The following AGAP1 variants were observed in gnomAD, a reference collection of about 807,000 sequenced individuals.
AGAP1 encodes the protein ArfGAP with GTPase domain, ankyrin repeat and PH domain 1, also known as arf-GAP with GTPase, ANK repeat and PH domain-containing protein 1.
Under a neutral mutation model 105.3 loss-of-function variants are expected in AGAP1, and 29 were observed. The observed-to-expected ratio is 0.28, with a 90% confidence interval of 0.21 to 0.38. The LOEUF (loss-of-function observed/expected upper bound fraction) is 0.38, where lower values mean the gene tolerates loss of function less well. Ranked by LOEUF, AGAP1 falls within the 10% of genes least tolerant of loss-of-function variation. The probability of loss-of-function intolerance (pLI) is 1.00; values close to 1 mark genes in which losing one functional copy is unlikely to be tolerated. For synonymous variants in AGAP1, 509 were observed against 485.9 expected, an observed-to-expected ratio of 1.05 and a Z score of -0.63; for missense variants, 998 against 1,165.1, an observed-to-expected ratio of 0.86 and a Z score of 2.09.
At position 235,904,261 on chromosome 2, in the gene AGAP1, G is replaced by A. The variant is rs2125014116; in HGVS notation, c.1156-4477G>A. Among the ~76,000 whole-genome samples, 1 of 152,344 alleles carries A rather than the reference G, an allele frequency of 6.6e-6. No individual in the cohort carries two copies. The highest frequency in any genetic ancestry group is 2.1e-4 in the South Asian group (1 of 4,824). On this transcript the variant is annotated intron_variant, in intron 10 of 17. Coordinates refer to ENST00000304032, the MANE Select transcript of AGAP1 (RefSeq NM_001037131.3). The surrounding 1 kb of genome is among the most constrained non-coding windows in gnomAD (Gnocchi z 4.2). Reference sequence around the variant, plus strand: ...AGGGATGGCAAAGGTGCCGGAGCAGGGTTGCAGGGGGACAGCGAGGCACAG... The same window carrying A: ...AGGGATGGCAAAGGTGCCGGAGCAGAGTTGCAGGGGGACAGCGAGGCACAG...
rs906580202 is a variant in AGAP1, at chr2:235,692,391, C to A, written c.164-16788C>A. 6.6e-6 allele frequency among the ~76,000 whole-genome samples: 1 copy of A among 152,224 alleles called. No individual in the cohort carries two copies. Among genetic ancestry groups the A allele is most frequent in the African/African-American group, 2.4e-5 (1 of 41,544 alleles). On this transcript the variant is annotated intron_variant, in intron 1 of 17. Coordinates refer to ENST00000304032, the MANE Select transcript of AGAP1 (RefSeq NM_001037131.3). The surrounding 1 kb of genome is among the most constrained non-coding windows in gnomAD (Gnocchi z 5.8). The stretch of plus-strand genomic sequence containing the variant: ...TGTGCCTGCACTGCCAGGTGCACAT[C>A]GAGCCTAATCTGGCTTAGGAAACAG...
At position 236,123,870 on chromosome 2, in the gene AGAP1, C is replaced by G; in HGVS notation, c.2371-49C>G. 1.2e-6 allele frequency: 2 copies of G among 1,607,246 alleles called. No individual in the cohort carries two copies. Among genetic ancestry groups the G allele is most frequent in the Middle Eastern group, 2.2e-4 (1 of 4,460 alleles). On this transcript the variant is annotated intron_variant, in intron 17 of 17. Coordinates refer to ENST00000304032, the MANE Select transcript of AGAP1 (RefSeq NM_001037131.3). The surrounding 1 kb of genome is among the most constrained non-coding windows in gnomAD (Gnocchi z 4.6). ...GAGAGAAAGCTTCCCTGCCCCCTCC[C>G]TCCATCACATCCCCCATGATACTAA...
intron 1 of AGAP1, among the ~76,000 whole-genome samples, chr2:235,570,212 C>T (rs1022343738): frequency 1.4e-4 from 21 of 152,194 alleles, no homozygotes; most frequent in Non-Finnish European, 3.1e-4. Context: ...AAGCAGTGAT[C>T]GGTGCTTCTG....
At chr2:235,713,108 C>CAGGA (rs1322410584) in intron 2 of AGAP1, among the ~76,000 whole-genome samples, 1 of 152,172 alleles carries the variant, frequency 6.6e-6, no homozygotes, top group Non-Finnish European at 1.5e-5. Context: ...TGGAAGAAGG[C>CAGGA]AGGAACGTTG....
chr2:236,045,711 C>T lies in AGAP1; in HGVS notation c.1892-3348C>T, dbSNP rs2057696677. ...ATCAGCCACAGGCCGAGGTTCTCCA[C>T]CCAGGCCGAGACACAGCGAAGTGTC... On this transcript the variant is annotated intron_variant, in intron 15 of 17. Transcript: ENST00000304032. The surrounding 1 kb of genome is among the most constrained non-coding windows in gnomAD (Gnocchi z 6.9). Among the ~76,000 whole-genome samples, 1 of 152,232 alleles carries T rather than the reference C, an allele frequency of 6.6e-6. No individual in the cohort carries two copies. Among genetic ancestry groups the T allele is most frequent in the Non-Finnish European group, 1.5e-5 (1 of 68,042 alleles).
At chr2:235,910,782 A>G (rs1479572788) in intron 11 of AGAP1, among the ~76,000 whole-genome samples, 1 of 152,114 alleles carries the variant, frequency 6.6e-6, no homozygotes, top group African/African-American at 2.4e-5. Context: ...CTGGGTGTGG[A>G]GATGTGCGCC....
chr2:235,536,254 TACAC>T (rs60307150), intron 1 of AGAP1, among the ~76,000 whole-genome samples: 1 of 4,390 alleles, frequency 2.3e-4, no homozygotes, highest in East Asian at 0.024. Context: ...TGTGGCATCC[TACAC>T]ACACACACAC....
rs2149041976 is a variant in AGAP1, at chr2:235,517,100, A to G, written c.163+22251A>G. On this transcript the variant is annotated intron_variant, in intron 1 of 17. Transcript: ENST00000304032. The surrounding 1 kb of genome is among the most constrained non-coding windows in gnomAD (Gnocchi z 4.1). ...TTTTCTCACAGTTCTGGAGGTTGAG[A>G]GTCCATGATCAAGGCACTGGCAGGT... 6.6e-6 allele frequency among the ~76,000 whole-genome samples: 1 copy of G among 152,274 alleles called. No homozygotes were observed. Among genetic ancestry groups the G allele is most frequent in the Middle Eastern group, 3.4e-3 (1 of 294 alleles).
chr2:236,024,785 A>G lies in AGAP1; in HGVS notation c.1646-11776A>G, dbSNP rs1291301347. 4.6e-5 allele frequency among the ~76,000 whole-genome samples: 7 copies of G among 152,250 alleles called. No individual in the cohort carries two copies. In the East Asian group the frequency reaches 9.6e-4, roughly 21 times the overall value. The stretch of plus-strand genomic sequence containing the variant: ...CTTGTCTGCATAGAAACTGGACACA[A>G]TTAGTGTAATATCCGGTGTTATTAA... On this transcript the variant is annotated intron_variant, in intron 13 of 17. Coordinates refer to ENST00000304032, the MANE Select transcript of AGAP1 (RefSeq NM_001037131.3).
chr2:236,084,746 T>G (rs1354034036), intron 16 of AGAP1, among the ~76,000 whole-genome samples: 1 of 151,160 alleles, frequency 6.6e-6, no homozygotes, highest in Non-Finnish European at 1.5e-5. Context: ...CTGCTAATAA[T>G]ACAAAAAATT....
At position 235,803,439 on chromosome 2, in the gene AGAP1, C is replaced by T. The variant is rs548290610; in HGVS notation, c.958-3800C>T. Among the ~76,000 whole-genome samples, 9 of 152,264 alleles carry T rather than the reference C, an allele frequency of 5.9e-5. No individual in the cohort carries two copies. The South Asian group carries it at 1.9e-3, about 32-fold the overall frequency. ...GTTGGTGATTATAGGCATAAACTGT[C>T]AAAATGTGTATTTATTTGGAAGTGT... On this transcript the variant is annotated intron_variant, in intron 8 of 17. Coordinates refer to ENST00000304032, the MANE Select transcript of AGAP1 (RefSeq NM_001037131.3).
At chr2:235,607,083 C>T (rs139079030) in intron 1 of AGAP1, among the ~76,000 whole-genome samples, 110 of 152,198 alleles carry the variant, frequency 7.2e-4, no homozygotes, top group African/African-American at 2.4e-3. Flanking sequence ...GTTTACATCC[C>T]ACTGACAAAA....
At chr2:236,006,056 C>T (rs1182981091) in intron 13 of AGAP1, among the ~76,000 whole-genome samples, 1 of 152,130 alleles carries the variant, frequency 6.6e-6, no homozygotes, top group Non-Finnish European at 1.5e-5. Context: ...GTTTCTCTCC[C>T]CCATTTATGA....
intron 10 of AGAP1, among the ~76,000 whole-genome samples, chr2:235,885,702 C>T (rs2050242636): frequency 1.3e-5 from 2 of 152,180 alleles, no homozygotes; most frequent in South Asian, 4.1e-4. Flanking sequence ...TCTTGAGTTG[C>T]CCTTGTCTCC....
intron 7 of AGAP1, 117 bp downstream of exon 7, chr2:235,798,003 A>T (rs916744406): frequency 1.4e-4 from 180 of 1,281,658 alleles, no homozygotes; most frequent in East Asian, 1.9e-4. Flanking sequence ...AAGTAACAGC[A>T]TGTTGTAATT....
chr2:235,972,046 G>A (rs2054670906), intron 13 of AGAP1, among the ~76,000 whole-genome samples: 2 of 152,038 alleles, frequency 1.3e-5, no homozygotes, highest in Admixed American at 6.6e-5. Flanking sequence ...CCCAGTGCTG[G>A]GACTACAGGC....
chr2:235,911,295 C>T (rs558499883), intron 11 of AGAP1, among the ~76,000 whole-genome samples: 3 of 152,114 alleles, frequency 2.0e-5, no homozygotes, highest in African/African-American at 4.8e-5. Context: ...GGAGGCCACA[C>T]GGAGCCACAG....
rs527648420 is a variant in AGAP1 at position 235,631,213 on chromosome 2, A to G, written c.164-77966A>G. ...GTTGAAGAGCCTCCTTCCAGTGGGT[A>G]AATGGCAAACTCGATAACTGGAATG... is the stretch of plus-strand genomic sequence containing the variant. On this transcript the variant is annotated intron_variant, in intron 1 of 17. Transcript: ENST00000304032. The surrounding 1 kb of genome is among the most constrained non-coding windows in gnomAD (Gnocchi z 5.4). Among the ~76,000 whole-genome samples the G allele has an allele frequency of 2.0e-5, 3 of 152,316 alleles. No homozygotes were observed. The highest frequency in any genetic ancestry group is 1.3e-4 in the Admixed American group (2 of 15,298).
chr2:235,838,923 A>G, intron 9 of AGAP1, among the ~76,000 whole-genome samples: 1 of 152,232 alleles, frequency 6.6e-6, no homozygotes, highest in South Asian at 2.1e-4. Flanking sequence ...TCCAGTGCCT[A>G]AGACTTTCTG....
Sources: gnomAD v4.1 joint callset for allele counts (sites outside exome capture counted in the v4.1 genomes callset) on GRCh38, gnomAD v4.1.1 for gene constraint, Gnocchi (gnomAD v3.1) non-coding constraint, MANE v1.5 for transcripts, NCBI Gene and HGNC (gene_info 2026-07-23, HGNC 2026-07-21) for gene names.